The following USP32 variants were observed in gnomAD, a reference collection of about 807,000 sequenced individuals.
USP32 encodes the protein ubiquitin specific peptidase 32.
USP32 carries 59 observed loss-of-function variants against 204.8 expected under a neutral mutation model. The observed-to-expected ratio is 0.29, with a 90% CI of 0.23 to 0.36. The LOEUF is 0.36. Among genes scored for constraint, USP32 ranks in the 10% least tolerant of loss-of-function variants. The pLI, the probability that USP32 is intolerant of heterozygous loss-of-function variation, is 1.00. For missense variants in USP32, 1,160 were observed against 1,946.4 expected, an observed-to-expected ratio of 0.60 and a Z score of 7.60; for synonymous variants, 517 against 678.4, an observed-to-expected ratio of 0.76 and a Z score of 3.70.
chr17:60,246,169 T>C (rs2086018825), intron 11 of USP32, among the ~76,000 whole-genome samples: 1 of 151,976 alleles, frequency 6.6e-6, no homozygotes, highest in African/African-American at 2.4e-5. Flanking sequence ...CTCTCTTCAA[T>C]ATTATCCCTC....
intron 1 of USP32, among the ~76,000 whole-genome samples, chr17:60,375,388 A>G (rs910999031): frequency 2.0e-5 from 3 of 152,132 alleles, no homozygotes; most frequent in African/African-American, 7.2e-5. Context: ...AAATGACTAC[A>G]TATAATATAG....
intron 1 of USP32, among the ~76,000 whole-genome samples, chr17:60,364,276 A>G (rs1314673803): frequency 2.0e-5 from 3 of 152,104 alleles, no homozygotes; most frequent in African/African-American, 7.2e-5. Flanking sequence ...TCTTCATACA[A>G]TCACATTGGG....
In USP32 at chr17:60,179,144, A is replaced by C; in HGVS notation, c.*111T>G. ...TTTTTATTTTGTGCTTCAGGGCCAC[A>C]GGATAAAATAACTACATTTAGCTTG... On this transcript the variant is annotated 3_prime_UTR_variant, in exon 34 of 34. Coordinates refer to ENST00000300896, the MANE Select transcript of USP32 (RefSeq NM_032582.4). The C allele has an allele frequency of 8.1e-7, 1 of 1,233,676 alleles. No individual in the cohort carries two copies. The highest frequency in any genetic ancestry group is 1.1e-6 in the Non-Finnish European group (1 of 900,922). The allele number at this position is 1,233,676 out of a possible 1,614,324, so 76.4% of individuals were successfully genotyped here.
intron 3 of USP32, 70 bp downstream of exon 3, chr17:60,301,529 G>A (rs1282659194): frequency 1.1e-5 from 10 of 942,074 alleles, no homozygotes; most frequent in Non-Finnish European, 1.5e-5. Context: ...TCCTCTACCT[G>A]TCATCAGAAT....
intron 1 of USP32, among the ~76,000 whole-genome samples, chr17:60,349,662 TACACATATATATATAC>T (rs2088901183): frequency 1.0e-5 from 1 of 99,388 alleles, no homozygotes; most frequent in African/African-American, 7.6e-5. Flanking sequence ...TACATATATA[TACACATATATATATAC>T]ACACATATAT....
chr17:60,193,409 T>C (rs1365313572), intron 27 of USP32, among the ~76,000 whole-genome samples: 2 of 152,248 alleles, frequency 1.3e-5, no homozygotes, highest in Non-Finnish European at 2.9e-5. Context: ...CTCAGAGTTA[T>C]AAGCTACATA....
chr17:60,234,116 ATTT>A (rs151158730), intron 12 of USP32, among the ~76,000 whole-genome samples: 1 of 141,792 alleles, frequency 7.1e-6, no homozygotes, highest in African/African-American at 2.6e-5. Context: ...AGCATGACTA[ATTT>A]TTTTTTTTTT....
At chr17:60,381,705 G>A (rs1257797542) in intron 1 of USP32, among the ~76,000 whole-genome samples, 6 of 152,156 alleles carry the variant, frequency 3.9e-5, no homozygotes, top group Non-Finnish European at 7.3e-5. Flanking sequence ...ATCTTGAAAT[G>A]TTCTGCATTT....
intron 1 of USP32, among the ~76,000 whole-genome samples, chr17:60,378,879 AT>A (rs2089598109): frequency 6.6e-6 from 1 of 152,102 alleles, no homozygotes. Flanking sequence ...CATGCCACTA[AT>A]TGTACATTTT....
At chr17:60,227,426 A>G (rs2085425245) in intron 12 of USP32, among the ~76,000 whole-genome samples, 1 of 151,660 alleles carries the variant, frequency 6.6e-6, no homozygotes, top group Admixed American at 6.6e-5. Context: ...CATGCCACCA[A>G]GCCCAGATAA....
intron 30 of USP32, among the ~76,000 whole-genome samples, chr17:60,185,064 A>C (rs1053689630): frequency 2.0e-5 from 3 of 152,200 alleles, no homozygotes; most frequent in Admixed American, 1.3e-4. Flanking sequence ...GATTATGTGC[A>C]GTGGGTGTTG....
intron 12 of USP32, among the ~76,000 whole-genome samples, chr17:60,226,458 T>C (rs2085391555): frequency 6.6e-6 from 1 of 152,212 alleles, no homozygotes; most frequent in African/African-American, 2.4e-5. Context: ...AAGGATTTTG[T>C]GCCACATAAA....
chr17:60,295,442 TCA>T (rs1398990991), intron 3 of USP32, among the ~76,000 whole-genome samples: 1 of 152,238 alleles, frequency 6.6e-6, no homozygotes, highest in African/African-American at 2.4e-5. Context: ...TTCCAAGGTT[TCA>T]GTCACCTGTG....
intron 12 of USP32, among the ~76,000 whole-genome samples, chr17:60,226,806 C>A (rs1461544952): frequency 6.6e-6 from 1 of 151,980 alleles, no homozygotes; most frequent in Non-Finnish European, 1.5e-5. Context: ...CACCTTTAAT[C>A]CCAGCACTTT....
intron 5 of USP32, among the ~76,000 whole-genome samples, chr17:60,279,778 A>C (rs1487377847): frequency 2.0e-5 from 3 of 151,350 alleles, no homozygotes; most frequent in Non-Finnish European, 2.9e-5. Context: ...CGGAGGTTGC[A>C]ATGAGCCTAG....
intron 2 of USP32, among the ~76,000 whole-genome samples, chr17:60,343,683 C>T: frequency 6.6e-6 from 1 of 152,144 alleles, no homozygotes; most frequent in Non-Finnish European, 1.5e-5. Flanking sequence ...GCACTAAATG[C>T]CCACAAGAGA....
chr17:60,302,438 C>T (rs573720465), intron 2 of USP32, among the ~76,000 whole-genome samples: 4 of 152,296 alleles, frequency 2.6e-5, no homozygotes, highest in South Asian at 2.1e-4. Flanking sequence ...TGAGCCACCG[C>T]GCCTGGCCTG....
chr17:60,226,502 T>A (rs1460636380), intron 12 of USP32, among the ~76,000 whole-genome samples: 1 of 152,230 alleles, frequency 6.6e-6, no homozygotes, highest in Non-Finnish European at 1.5e-5. Context: ...GCAGCCATTT[T>A]TTTAACATTA....
chr17:60,395,779 A>C (rs1034784868), upstream of USP32, among the ~76,000 whole-genome samples: 1 of 152,228 alleles, frequency 6.6e-6, no homozygotes, highest in African/African-American at 2.4e-5. Flanking sequence ...CCAGTTGGGC[A>C]ACAGAAATGA....
Sources: allele counts gnomAD v4.1 joint callset (sites outside exome capture counted in the v4.1 genomes callset), GRCh38; gene constraint gnomAD v4.1.1; transcripts MANE v1.5; gene names NCBI Gene and HGNC (gene_info 2026-07-23, HGNC 2026-07-21).